The following DEFB136 variants were observed in gnomAD, a reference collection of about 807,000 sequenced individuals.
DEFB136 encodes beta-defensin 136.
Under a neutral mutation model 2.4 loss-of-function variants are expected in DEFB136, and 6 were observed. The observed-to-expected ratio is 2.45, with a 90% CI of 1.34 to 4.84. DEFB136 has a LOEUF of 4.84. Ranked by LOEUF, DEFB136 falls within the 30% of genes most tolerant of loss-of-function variation. The pLI is 0.00. For synonymous variants in DEFB136, 47 were observed against 35.2 expected, an observed-to-expected ratio of 1.33 and a Z score of -1.18; for missense variants, 126 against 98.4, an observed-to-expected ratio of 1.28 and a Z score of -1.19.
rs200331282 is a variant in DEFB136, at chr8:11,974,057, T to C, written c.117A>G (p.Val39=). Residue 39 remains valine (V), a synonymous_variant, in exon 2 of 2, where the codon GTA becomes GTG. Transcript: ENST00000382209. ...KVRTCTSQKA[V]CFFGCPPGYR... Reference sequence around the variant, plus strand: ...ATCCTGGCGGACACCCGAAGAAACATACGGCTTTCTGGCTAGTGCAGGTGC... The same window carrying C: ...ATCCTGGCGGACACCCGAAGAAACACACGGCTTTCTGGCTAGTGCAGGTGC... The C allele has an allele frequency of 1.2e-3, 1,852 of 1,609,396 alleles. 4 individuals carry two copies. The highest frequency in any genetic ancestry group is 1.5e-3 in the Non-Finnish European group (1,762 of 1,177,924).
chr8:11,974,198 T>A (rs1467250858), intron 1 of DEFB136, 80 bp from the exon 2 acceptor site: 1 of 1,454,016 alleles, frequency 6.9e-7, no homozygotes, highest in Non-Finnish European at 9.2e-7. Flanking sequence ...CATCACCTCC[T>A]GGTTGATGGC....
rs748651102 is a variant in DEFB136 at position 11,974,093 on chromosome 8, T to G, written c.81A>C (p.Gly27=). 1.6e-5 allele frequency: 25 copies of G among 1,585,236 alleles called. No individual in the cohort carries two copies. The highest frequency in any genetic ancestry group is 2.1e-5 in the Non-Finnish European group (24 of 1,168,096). The part of the protein sequence containing the change: ...PSGKGMFGND[G]VKVRTCTSQK... Reference sequence around the variant, plus strand: ...GGCTAGTGCAGGTGCGAACTTTGACTCCATCATTCCCAAACATACCTTTTC... The same window carrying G: ...GGCTAGTGCAGGTGCGAACTTTGACGCCATCATTCCCAAACATACCTTTTC... The change falls in exon 2 of 2, where the codon GGA becomes GGC. Residue 27 remains glycine (G), a synonymous_variant. Transcript: ENST00000382209.
intron 1 of DEFB136, among the ~76,000 whole-genome samples, chr8:11,974,339 C>T (rs527699316): frequency 1.3e-5 from 2 of 152,264 alleles, no homozygotes; most frequent in African/African-American, 4.8e-5. Context: ...ATGACATCCA[C>T]CCCCGTCCCC....
chr8:11,974,109 A>C lies in DEFB136; in HGVS notation c.65T>G (p.Met22Arg), dbSNP rs201239250. ...LVILLPSGKGMFGNDGVKVRT... is the reference protein window; with the variant it reads ...LVILLPSGKGRFGNDGVKVRT... ...AACTTTGACTCCATCATTCCCAAAC[A>C]TACCTTTTCCTGAAGCGGGGAGAGA... is the stretch of plus-strand genomic sequence containing the variant. Residue 22 changes from methionine (M) to arginine (R), a missense_variant, in exon 2 of 2, where the codon ATG becomes AGG. Coordinates refer to ENST00000382209, the MANE Select transcript of DEFB136 (RefSeq NM_001033018.2). 6.2e-5 allele frequency: 98 copies of C among 1,571,812 alleles called. No homozygotes were observed. The highest frequency in any genetic ancestry group is 9.2e-5 in the East Asian group (4 of 43,546).
chr8:11,974,267 G>T, intron 1 of DEFB136, 149 bp from the exon 2 acceptor site: 1 of 1,157,294 alleles, frequency 8.6e-7, no homozygotes, highest in East Asian at 2.5e-5. Context: ...ATAAAGCTCA[G>T]GGTAGCCAGA....
intron 1 of DEFB136, 50 bp downstream of exon 1, chr8:11,974,495 A>C: frequency 6.2e-7 from 1 of 1,604,250 alleles, no homozygotes; most frequent in Non-Finnish European, 8.5e-7. Flanking sequence ...AAGCATCTCA[A>C]TCTTTGGGAA....
rs923201969 is a variant in DEFB136, at chr8:11,974,428, T to A, written c.55+117A>T. 4.3e-5 allele frequency: 54 copies of A among 1,257,526 alleles called. 1 individual carries two copies. The highest frequency in any genetic ancestry group is 3.0e-4 in the East Asian group (13 of 42,936). The allele number at this position is 1,257,526 out of a possible 1,614,324, so 77.9% of individuals were successfully genotyped here. On this transcript the variant is annotated intron_variant, in intron 1 of 1. Transcript: ENST00000382209. The stretch of plus-strand genomic sequence containing the variant: ...GGGTCCGCTCACCATGCCCCTAACA[T>A]GGTGGCCCATTTGATATTGGTGTCC...
chr8:11,974,238 T>G (rs1044377432), intron 1 of DEFB136, 120 bp from the exon 2 acceptor site: 1 of 1,295,352 alleles, frequency 7.7e-7, no homozygotes, highest in African/African-American at 1.5e-5. Context: ...TCACCTCTTA[T>G]CACAACTCAG....
chr8:11,974,160 A>T (rs1585079039), intron 1 of DEFB136, 42 bp from the exon 2 acceptor site: 1 of 1,509,552 alleles, frequency 6.6e-7, no homozygotes, highest in Non-Finnish European at 8.9e-7. Context: ...ATCAATCTTA[A>T]TGAGGCTGGG....
intron 1 of DEFB136, among the ~76,000 whole-genome samples, 161 bp from the exon 2 acceptor site, chr8:11,974,279 G>A (rs117419608): frequency 0.011 from 1,711 of 152,232 alleles, 17 homozygotes; most frequent in South Asian, 0.042. Flanking sequence ...GTAGCCAGAG[G>A]CATTGGAGGG....
chr8:11,974,555 T>G lies in DEFB136; in HGVS notation c.45A>C (p.Leu15Phe), dbSNP rs771490264. ...CGCCCACTGTCTTACCTGAAGGCAG[T>G]AAGATCACCAGGAAAAAGAGTAATG... Reference protein sequence around the residue: ...LSALLFFLVILLPSGKGMFGN... With the variant: ...LSALLFFLVIFLPSGKGMFGN... The change falls in exon 1 of 2, where the codon TTA (leucine) becomes TTC (phenylalanine). Residue 15 changes from leucine (L) to phenylalanine (F), a missense_variant. By Grantham distance (22) the Leu-to-Phe change is conservative. Transcript: ENST00000382209. The G allele has an allele frequency of 2.5e-6, 4 of 1,613,958 alleles. No individual in the cohort carries two copies. The African/African-American group carries it at 4.0e-5, about 16-fold the overall frequency.
rs370829326 is a variant in DEFB136 at position 11,974,060 on chromosome 8, G to A, written c.114C>T (p.Ala38=). ...CTGGCGGACACCCGAAGAAACATACGGCTTTCTGGCTAGTGCAGGTGCGAA... is the reference window on the plus strand; with the variant it reads ...CTGGCGGACACCCGAAGAAACATACAGCTTTCTGGCTAGTGCAGGTGCGAA... ...VKVRTCTSQK[A]VCFFGCPPGY... is the part of the protein sequence containing the mutation. Residue 38 remains alanine (A), a synonymous_variant, in exon 2 of 2, where the codon GCC becomes GCT. Transcript: ENST00000382209. The A allele has an allele frequency of 3.3e-5, 53 of 1,607,836 alleles. No homozygotes were observed. The highest frequency in any genetic ancestry group is 1.7e-4 in the Middle Eastern group (1 of 6,060).
In DEFB136 at chr8:11,974,564, C is replaced by G. The variant is rs1402004245; in HGVS notation, c.36G>C (p.Leu12=). The change falls in exon 1 of 2, where the codon CTG becomes CTC. Residue 12 remains leucine, a synonymous_variant. Coordinates refer to ENST00000382209, the MANE Select transcript of DEFB136 (RefSeq NM_001033018.2). ...TCTTACCTGAAGGCAGTAAGATCAC[C>G]AGGAAAAAGAGTAATGCAGAAAGAC... The part of the protein sequence containing the change: ...NLCLSALLFF[L]VILLPSGKGM... 1 of 1,614,118 alleles carries G rather than the reference C, an allele frequency of 6.2e-7. No homozygotes were observed. The highest frequency in any genetic ancestry group is 1.7e-5 in the Admixed American group (1 of 60,020).
At chr8:11,974,250 A>C in intron 1 of DEFB136, 132 bp from the exon 2 acceptor site, 1 of 1,223,720 alleles carries the variant, frequency 8.2e-7, no homozygotes, top group East Asian at 2.4e-5. Flanking sequence ...ACAACTCAGC[A>C]AGGCAGATAA....
intron 1 of DEFB136, 115 bp downstream of exon 1, chr8:11,974,430 G>T: frequency 1.6e-6 from 2 of 1,271,242 alleles, no homozygotes; most frequent in Non-Finnish European, 2.3e-6. Context: ...CCCTAACATG[G>T]TGGCCCATTT....
At chr8:11,974,232 CT>C in intron 1 of DEFB136, 114 bp from the exon 2 acceptor site, 1 of 1,316,652 alleles carries the variant, frequency 7.6e-7, no homozygotes, top group Non-Finnish European at 1.0e-6. Context: ...TTTACCTCAC[CT>C]CTTATCACAA....
rs1441594531 is a variant in DEFB136, at chr8:11,974,138, C to T, written c.56-20G>A. On this transcript the variant is annotated intron_variant, in intron 1 of 1. Transcript: ENST00000382209. ...CTTTTCCTGAAGCGGGGAGAGACCA[C>T]AGAAAAGAAAAATCAATCTTAATGA... 6.5e-7 allele frequency: 1 copy of T among 1,527,484 alleles called. No individual in the cohort carries two copies. Among genetic ancestry groups the T allele is most frequent in the South Asian group, 1.3e-5 (1 of 76,446 alleles). 94.6% of individuals were successfully genotyped at this position (1,527,484 alleles called of 1,614,324 possible).
At chr8:11,974,410 C>T (rs1585079174) in intron 1 of DEFB136, 135 bp downstream of exon 1, 10 of 1,113,708 alleles carry the variant, frequency 9.0e-6, no homozygotes, top group East Asian at 7.1e-5. Flanking sequence ...CTGGGGTCCG[C>T]TCACCATGCC....
intron 1 of DEFB136, 42 bp from the exon 2 acceptor site, chr8:11,974,160 A>C: frequency 1.3e-6 from 2 of 1,509,552 alleles, no homozygotes; most frequent in Non-Finnish European, 1.8e-6. Flanking sequence ...ATCAATCTTA[A>C]TGAGGCTGGG....
Sources: allele counts gnomAD v4.1 joint callset (sites outside exome capture counted in the v4.1 genomes callset), GRCh38; gene constraint gnomAD v4.1.1; transcripts MANE v1.5; gene names NCBI Gene and HGNC (gene_info 2026-07-23, HGNC 2026-07-21).